Variants in PTPRQ observed in about 807,000 individuals in gnomAD.
PTPRQ encodes protein tyrosine phosphatase receptor type Q, also known as phosphatidylinositol phosphatase PTPRQ.
In PTPRQ, 199 loss-of-function variants were observed where a neutral mutation model predicts 246.0. That is an observed-to-expected ratio of 0.81 (90% CI 0.72 to 0.91). PTPRQ has a LOEUF of 0.91. PTPRQ is among the 40% of genes least tolerant of loss of function. PTPRQ has a pLI of 0.00. For missense variants in PTPRQ, 2,624 were observed against 2,528.4 expected (o/e 1.04, Z -0.81); for synonymous variants, 869 against 853.2 (o/e 1.02, Z -0.32).
At chr12:80,527,694 T>G (rs1287182248) in intron 17 of PTPRQ, among the ~76,000 whole-genome samples, 1 of 152,142 alleles carries the variant, frequency 6.6e-6, no homozygotes, top group Non-Finnish European at 1.5e-5. Flanking sequence ...AAAGGAGACA[T>G]AACTACAGAT....
chr12:80,521,634 G>T (rs1283558529), intron 17 of PTPRQ, among the ~76,000 whole-genome samples: 1 of 152,072 alleles, frequency 6.6e-6, no homozygotes, highest in Non-Finnish European at 1.5e-5. Context: ...TTTCCCCATT[G>T]CTTTTTTTTG....
chr12:80,545,251 C>G (rs56152227), intron 23 of PTPRQ, among the ~76,000 whole-genome samples: 8,261 of 152,076 alleles, frequency 0.054, 296 homozygotes, highest in East Asian at 0.16. Flanking sequence ...TCCAGATTAT[C>G]TAATGGCATG....
chr12:80,579,196 GACTTTT>G (rs977687051), intron 25 of PTPRQ, among the ~76,000 whole-genome samples: 73 of 152,236 alleles, frequency 4.8e-4, no homozygotes, highest in African/African-American at 1.6e-3. Flanking sequence ...TGAAGGCTCA[GACTTTT>G]AAGTTTATAT....
At chr12:80,652,686 G>T in intron 37 of PTPRQ, 58 bp from the exon 38 acceptor site, 1 of 1,420,908 alleles carries the variant, frequency 7.0e-7, no homozygotes, top group Non-Finnish European at 9.2e-7. Flanking sequence ...CTTTTAATAA[G>T]TGAAATTTCT....
Position 80,588,351 on chromosome 12 carries a change from G to A in PTPRQ, c.4508G>A (p.Gly1503Glu). The A allele has an allele frequency of 6.5e-7, 1 of 1,548,754 alleles. No individual in the cohort carries two copies. ...EAHLTEETVY[G>E]LKKFRWYRFQ... ...CACTTAACTGAAGAGACAGTATATG[G>A]ATTAAAGAAATTTAGATGGTATAGA... Residue 1503 changes from glycine (G) to glutamate (E), a missense_variant, in exon 26 of 45, where the codon GGA becomes GAA. Transcript: ENST00000644991.
chr12:80,668,571 A>C (rs77986813), intron 39 of PTPRQ, among the ~76,000 whole-genome samples: 8 of 151,842 alleles, frequency 5.3e-5, no homozygotes, highest in Non-Finnish European at 1.0e-4. Context: ...TGCCTTACCA[A>C]TTTTGAGATC....
At chr12:80,465,620 A>G (rs1893370263) in intron 6 of PTPRQ, 1 of 152,252 alleles carries the variant, frequency 6.6e-6, no homozygotes, top group African/African-American at 2.4e-5. Context: ...AATACTGGCA[A>G]ATGGAATCCA....
At chr12:80,662,256 CT>C (rs1900656227) in intron 39 of PTPRQ, among the ~76,000 whole-genome samples, 1 of 151,798 alleles carries the variant, frequency 6.6e-6, no homozygotes, top group African/African-American at 2.4e-5. Flanking sequence ...TACAAATTCA[CT>C]GGATATAACT....
At chr12:80,446,126 T>G (rs1305607624) in intron 3 of PTPRQ, among the ~76,000 whole-genome samples, 1 of 151,806 alleles carries the variant, frequency 6.6e-6, no homozygotes, top group Non-Finnish European at 1.5e-5. Flanking sequence ...ACTTGCAAAC[T>G]TTATTCTCCA....
At chr12:80,634,352 G>A (rs1899559631) in intron 34 of PTPRQ, among the ~76,000 whole-genome samples, 1 of 152,082 alleles carries the variant, frequency 6.6e-6, no homozygotes, top group South Asian at 2.1e-4. Flanking sequence ...GGTTTAAGAT[G>A]AAAAGAATCT....
At chr12:80,548,760 C>T (rs117282043) in intron 24 of PTPRQ, among the ~76,000 whole-genome samples, 2,329 of 152,118 alleles carry the variant, frequency 0.015, 34 homozygotes, top group Non-Finnish European at 0.02. Flanking sequence ...TTGGACATTT[C>T]TGTGGGAAGT....
rs1372607873 is a variant in PTPRQ at position 80,542,277 on chromosome 12, T to C, written c.3634T>C (p.Phe1212Leu). 3.2e-6 allele frequency: 5 copies of C among 1,550,552 alleles called. 1 individual carries two copies. The South Asian group carries it at 4.8e-5, about 15-fold the overall frequency. Residue 1212 changes from phenylalanine to leucine, a missense_variant, in exon 22 of 45, where the codon TTT becomes CTT. Transcript: ENST00000644991. ...NYIILEELSP[F>L]TLYSFFAAAR... Reference sequence around the variant, plus strand: ...CATAATATTGGAAGAGCTTTCACCATTTACATTATATAGCTTTTTTGCTGC... The same window carrying C: ...CATAATATTGGAAGAGCTTTCACCACTTACATTATATAGCTTTTTTGCTGC...
At chr12:80,558,458 G>A (rs1188543733) in intron 25 of PTPRQ, among the ~76,000 whole-genome samples, 3 of 146,442 alleles carry the variant, frequency 2.0e-5, no homozygotes, top group East Asian at 4.0e-4. Context: ...ATGAGCCACT[G>A]CACCTGGCCT....
intron 25 of PTPRQ, among the ~76,000 whole-genome samples, chr12:80,552,125 G>C (rs543303836): frequency 6.6e-6 from 1 of 152,028 alleles, no homozygotes; most frequent in Non-Finnish European, 1.5e-5. Context: ...AGGTAATTCC[G>C]ATATTCTGTA....
intron 26 of PTPRQ, among the ~76,000 whole-genome samples, chr12:80,593,864 T>C (rs901008194): frequency 2.6e-5 from 4 of 151,428 alleles, no homozygotes; most frequent in Non-Finnish European, 5.9e-5. Context: ...GGGTGTGAAA[T>C]TAGTATGAAA....
At chr12:80,651,532 A>T (rs1269016982) in intron 37 of PTPRQ, among the ~76,000 whole-genome samples, 3 of 152,030 alleles carry the variant, frequency 2.0e-5, no homozygotes, top group African/African-American at 7.2e-5. Context: ...AGAGAAAGCA[A>T]TAGGAGAAAG....
At position 80,459,343 on chromosome 12, in the gene PTPRQ, AT is replaced by A. The variant is rs1177141499; in HGVS notation, c.523del (p.Trp175GlyfsTer25). 7.5e-6 allele frequency: 3 copies of A among 398,396 alleles called. No homozygotes were observed. The highest frequency in any genetic ancestry group is 6.2e-5 in the African/African-American group (3 of 48,646). The allele number at this position is 398,396 out of a possible 1,614,324, so 24.7% of individuals were successfully genotyped here. A position where few individuals can be genotyped will look rare whatever the true frequency, so the allele number is the denominator to read the frequency against. Reference protein sequence around the residue: ...EAYNASAVKLIWYLPRQPNGK... With the variant: ...EAYNASAVKLXWYLPRQPNGK... The stretch of plus-strand genomic sequence containing the variant: ...CTACAACGCTTCAGCAGTTAAGCTG[AT>A]TTGGTATTTACCTCGGCAACCAAAT... On this transcript the variant is annotated frameshift_variant, in exon 5 of 45. Coordinates refer to ENST00000644991, the MANE Select transcript of PTPRQ (RefSeq NM_001145026.2). LOFTEE classifies it high-confidence loss of function.
At chr12:80,574,078 G>A (rs901590125) in intron 25 of PTPRQ, among the ~76,000 whole-genome samples, 1 of 151,958 alleles carries the variant, frequency 6.6e-6, no homozygotes, top group Non-Finnish European at 1.5e-5. Context: ...TAAAAAAAAA[G>A]TTTTTACCAA....
In PTPRQ at chr12:80,542,217, A is replaced by G; in HGVS notation, c.3574A>G (p.Asn1192Asp). 1 of 1,551,130 alleles carries G rather than the reference A, an allele frequency of 6.4e-7. No homozygotes were observed. The highest frequency in any genetic ancestry group is 8.7e-7 in the Non-Finnish European group (1 of 1,146,638). Residue 1192 changes from asparagine (N) to aspartate (D), a missense_variant, in exon 22 of 45, where the codon AAT becomes GAT. Coordinates refer to ENST00000644991, the MANE Select transcript of PTPRQ (RefSeq NM_001145026.2). Reference protein sequence around the residue: ...ISYDLTLQGPNENYSFITSDN... With the variant: ...ISYDLTLQGPDENYSFITSDN... ...TTATGATTTAACTTTACAAGGACCA[A>G]ATGAAAATTATTCTTTCATTACTTC...
Sources: gnomAD v4.1 joint callset for allele counts (sites outside exome capture counted in the v4.1 genomes callset) on GRCh38, gnomAD v4.1.1 for gene constraint, MANE v1.5 for transcripts, NCBI Gene and HGNC (gene_info 2026-07-23, HGNC 2026-07-21) for gene names.